Variants in BICD1 observed in about 807,000 individuals in gnomAD.
BICD1 encodes protein bicaudal D homolog 1.
BICD1 carries 35 observed loss-of-function variants against 92.5 expected under a neutral mutation model. That is an observed-to-expected ratio of 0.38 (90% CI 0.29 to 0.50). The LOEUF (loss-of-function observed/expected upper bound fraction) is 0.50. Among genes scored for constraint, BICD1 ranks in the 20% least tolerant of loss-of-function variants. BICD1 has a pLI of 0.93. For synonymous variants in BICD1, 429 were observed against 465.1 expected (o/e 0.92, Z 1.00); for missense variants, 950 against 1,189.8 (o/e 0.80, Z 2.97).
At chr12:32,297,257 G>T (rs1046138826) in intron 3 of BICD1, among the ~76,000 whole-genome samples, 2 of 152,164 alleles carry the variant, frequency 1.3e-5, no homozygotes, top group Non-Finnish European at 2.9e-5. Flanking sequence ...ACCCAGGCTG[G>T]AATGCAGTGG....
intron 1 of BICD1, among the ~76,000 whole-genome samples, chr12:32,145,083 A>C (rs1219834145): frequency 6.6e-6 from 1 of 152,224 alleles, no homozygotes; most frequent in East Asian, 1.9e-4. Context: ...TGTTTTAATC[A>C]GCACCCCTGT....
At chr12:32,141,399 T>C (rs1032828495) in intron 1 of BICD1, among the ~76,000 whole-genome samples, 5 of 152,198 alleles carry the variant, frequency 3.3e-5, no homozygotes, top group African/African-American at 7.2e-5. Flanking sequence ...ATGAAAAATA[T>C]GGCAAAAACA....
chr12:32,349,246 T>G, intron 8 of BICD1, among the ~76,000 whole-genome samples: 1 of 152,212 alleles, frequency 6.6e-6, no homozygotes, highest in East Asian at 1.9e-4. Context: ...TATATTCAAC[T>G]GTTTGCCCCC....
intron 2 of BICD1, among the ~76,000 whole-genome samples, chr12:32,288,223 A>ATTT (rs34913740): frequency 1.2e-4 from 13 of 109,518 alleles, no homozygotes; most frequent in South Asian, 8.4e-4. Flanking sequence ...CCAAGTCCTA[A>ATTT]TTTTTTTTTT....
intron 1 of BICD1, among the ~76,000 whole-genome samples, chr12:32,174,232 C>T (rs1944030539): frequency 6.6e-6 from 1 of 151,934 alleles, no homozygotes; most frequent in Non-Finnish European, 1.5e-5. Context: ...CTGTTTTTTC[C>T]TTTTTAGCGT....
At chr12:32,206,614 G>T (rs772071812) in intron 1 of BICD1, among the ~76,000 whole-genome samples, 63 of 152,058 alleles carry the variant, frequency 4.1e-4, no homozygotes, top group Non-Finnish European at 3.8e-4. Context: ...TCAAAAAAAA[G>T]AAAGAAGGAA....
At chr12:32,120,722 GTCTTGCAGATTATC>G in intron 1 of BICD1, among the ~76,000 whole-genome samples, 1 of 151,666 alleles carries the variant, frequency 6.6e-6, no homozygotes, top group Non-Finnish European at 1.5e-5. Context: ...AGATACTATT[GTCTTGCAGATTATC>G]TCTTTGGCAC....
chr12:32,211,368 T>C (rs1335583645), intron 1 of BICD1, among the ~76,000 whole-genome samples: 1 of 152,236 alleles, frequency 6.6e-6, no homozygotes. Flanking sequence ...TAAATATGAA[T>C]GGAGGATTTA....
In BICD1 at chr12:32,293,403, C is replaced by T. The variant is rs534422942; in HGVS notation, c.427-591C>T. Among the ~76,000 whole-genome samples the T allele has an allele frequency of 1.8e-3, 277 of 152,074 alleles. 1 individual carries two copies. Among genetic ancestry groups the T allele is most frequent in the African/African-American group, 6.4e-3 (266 of 41,492 alleles). ...CCTGATCTCGGCTCACTGCAACCTC[C>T]GCATCCCAGGTTCAAGTGACTCTCC... On this transcript the variant is annotated intron_variant, in intron 2 of 9. Transcript: ENST00000652176.
At chr12:32,244,858 A>G (rs910931263) in intron 2 of BICD1, among the ~76,000 whole-genome samples, 1 of 152,014 alleles carries the variant, frequency 6.6e-6, no homozygotes, top group African/African-American at 2.4e-5. Context: ...CAATTTCTTA[A>G]TCTCGTGATC....
chr12:32,166,617 CT>C, intron 1 of BICD1, among the ~76,000 whole-genome samples: 1 of 152,188 alleles, frequency 6.6e-6, no homozygotes, highest in East Asian at 1.9e-4. Flanking sequence ...ACCTGATAAC[CT>C]GTATTTAAAT....
chr12:32,256,519 A>C (rs1368427795), intron 2 of BICD1, among the ~76,000 whole-genome samples: 1 of 152,240 alleles, frequency 6.6e-6, no homozygotes, highest in African/African-American at 2.4e-5. Context: ...AGTTTTGTTG[A>C]GCTTCAGGTT....
At chr12:32,306,433 A>AT (rs1565658282) in intron 4 of BICD1, among the ~76,000 whole-genome samples, 4 of 151,590 alleles carry the variant, frequency 2.6e-5, no homozygotes, top group Non-Finnish European at 5.9e-5. Flanking sequence ...TTTAGTAGAG[A>AT]CGGGGTTTCA....
chr12:32,282,514 AG>A (rs1947446367), intron 2 of BICD1, among the ~76,000 whole-genome samples: 1 of 152,042 alleles, frequency 6.6e-6, no homozygotes, highest in Non-Finnish European at 1.5e-5. Flanking sequence ...ATACTTCCTG[AG>A]CTCTTTCAAG....
At chr12:32,237,792 T>A (rs758199303) in intron 2 of BICD1, among the ~76,000 whole-genome samples, 2 of 152,210 alleles carry the variant, frequency 1.3e-5, no homozygotes, top group Non-Finnish European at 2.9e-5. Context: ...TCATTGACAG[T>A]GTACCTGGTC....
At chr12:32,263,651 G>T in intron 2 of BICD1, among the ~76,000 whole-genome samples, 1 of 151,778 alleles carries the variant, frequency 6.6e-6, no homozygotes, top group East Asian at 1.9e-4. Context: ...ACACATCATA[G>T]AGCCAGTTCT....
At chr12:32,368,554 G>C (rs1939614074) in intron 9 of BICD1, among the ~76,000 whole-genome samples, 1 of 151,890 alleles carries the variant, frequency 6.6e-6, no homozygotes, top group Admixed American at 6.6e-5. Flanking sequence ...AATTAGCTGG[G>C]TGTGGTGGCA....
chr12:32,367,722 G>C lies in BICD1; in HGVS notation c.2817G>C (p.Gly939=), dbSNP rs147087816. ...CGCCACAGTGCTCACAACTAGCCGG[G>C]AGGCAAGACTGCCCAACTGTCAGGT... The part of the protein sequence containing the change: ...SVPPQCSQLA[G]RQDCPTVSPD... The change falls in exon 9 of 10, where the codon GGG becomes GGC. Residue 939 remains glycine (G), a synonymous_variant. Transcript: ENST00000652176. The C allele has an allele frequency of 5.5e-5, 89 of 1,614,042 alleles. No homozygotes were observed. Among genetic ancestry groups the C allele is most frequent in the Non-Finnish European group, 7.3e-5 (86 of 1,180,042 alleles).
At chr12:32,363,966 G>A (rs578259117) in intron 8 of BICD1, among the ~76,000 whole-genome samples, 14 of 151,842 alleles carry the variant, frequency 9.2e-5, no homozygotes, top group Non-Finnish European at 1.8e-4. Flanking sequence ...CTGAGACATC[G>A]TAAACAATAA....
Sources: gnomAD v4.1 joint callset for allele counts (sites outside exome capture counted in the v4.1 genomes callset) on GRCh38, gnomAD v4.1.1 for gene constraint, MANE v1.5 for transcripts, NCBI Gene and HGNC (gene_info 2026-07-23, HGNC 2026-07-21) for gene names.